Variants in VPS26C observed in about 807,000 individuals in gnomAD.
The protein encoded by VPS26C is vacuolar protein sorting-associated protein 26C.
VPS26C carries 19 observed loss-of-function variants against 30.6 expected under a neutral mutation model. The ratio of observed to expected loss-of-function variants is 0.62; its 90% CI spans 0.43 to 0.91. The LOEUF (loss-of-function observed/expected upper bound fraction) is 0.91. VPS26C is among the 40% of genes least tolerant of loss of function. VPS26C has a pLI of 0.00. For missense variants in VPS26C, 318 were observed against 385.1 expected (o/e 0.83, Z 1.46); for synonymous variants, 132 against 151.5 (o/e 0.87, Z 0.95).
At chr21:37,234,514 A>G (rs997471503) in intron 3 of VPS26C, among the ~76,000 whole-genome samples, 1 of 152,204 alleles carries the variant, frequency 6.6e-6, no homozygotes, top group Non-Finnish European at 1.5e-5. Context: ...GTGAGCTGAG[A>G]GACTATTTAA....
intron 7 of VPS26C, chr21:37,225,859 C>T: frequency 1.7e-6 from 1 of 571,572 alleles, no homozygotes; most frequent in East Asian, 2.9e-5. Flanking sequence ...TTTTTGTCCT[C>T]TCATCTTGGA....
At chr21:37,236,433 AGAC>A (rs1400925299) in intron 3 of VPS26C, among the ~76,000 whole-genome samples, 2 of 152,274 alleles carry the variant, frequency 1.3e-5, no homozygotes, top group African/African-American at 2.4e-5. Flanking sequence ...TTTTCTCAAA[AGAC>A]GACAAATTTT....
intron 6 of VPS26C, among the ~76,000 whole-genome samples, 173 bp downstream of exon 6, chr21:37,228,050 C>G (rs749772374): frequency 4.6e-5 from 7 of 152,324 alleles, no homozygotes; most frequent in Admixed American, 2.0e-4. Context: ...TGCAATGGTG[C>G]GATCTCAGCT....
intron 2 of VPS26C, 133 bp downstream of exon 2, chr21:37,240,363 G>A (rs559989832): frequency 7.4e-6 from 7 of 941,666 alleles, no homozygotes; most frequent in Admixed American, 2.7e-5. Flanking sequence ...GGGCTCAAGC[G>A]ATCCTCCCGC....
chr21:37,225,231 A>G lies in VPS26C; in HGVS notation c.*313T>C, dbSNP rs1320133680. 3 of 349,520 alleles carry G rather than the reference A, an allele frequency of 8.6e-6. No homozygotes were observed. Among genetic ancestry groups the G allele is most frequent in the East Asian group, 5.1e-5 (1 of 19,698 alleles). The allele number at this position is 349,520 out of a possible 1,614,324, so 21.7% of individuals were successfully genotyped here. On this transcript the variant is annotated 3_prime_UTR_variant, in exon 8 of 8. Transcript: ENST00000309117. ...CCAGCAAGCTCAAACTGCTGTCACAATTGTTTTACTGTACCTAAAAAGGAA... is the reference window on the plus strand; with the variant it reads ...CCAGCAAGCTCAAACTGCTGTCACAGTTGTTTTACTGTACCTAAAAAGGAA...
chr21:37,225,889 ACCAACTACACTTT>A, intron 7 of VPS26C: 1 of 527,696 alleles, frequency 1.9e-6, no homozygotes, highest in Non-Finnish European at 3.4e-6. Flanking sequence ...ATCAGGCTTC[ACCAACTACACTTT>A]CCCTGTCCCT....
chr21:37,246,273 C>T (rs2086137093), intron 1 of VPS26C, among the ~76,000 whole-genome samples: 1 of 151,894 alleles, frequency 6.6e-6, no homozygotes, highest in Admixed American at 6.6e-5. Context: ...GAAAAGAAAC[C>T]ATATTTCTCC....
chr21:37,254,862 G>A (rs993156665), intron 1 of VPS26C, among the ~76,000 whole-genome samples: 1 of 151,792 alleles, frequency 6.6e-6, no homozygotes, highest in African/African-American at 2.4e-5. Context: ...AGCACTGTAG[G>A]GTAGATCACG....
chr21:37,250,169 A>G (rs1048943235), intron 1 of VPS26C, among the ~76,000 whole-genome samples: 1 of 152,044 alleles, frequency 6.6e-6, no homozygotes, highest in Non-Finnish European at 1.5e-5. Context: ...GCCAGGCATG[A>G]TGATACATGC....
Position 37,227,668 on chromosome 21 carries a change from G to C in VPS26C, c.797C>G (p.Thr266Ser). ...RLFTCPTLET[T>S]NFKVEFEVNI... ...GTGCCACTTACCCACTTTGAAGTTG[G>C]TGGTCTCCAGTGTAGGGCAGGTGAA... The change falls in exon 7 of 8, where the codon ACC (threonine) becomes AGC (serine). Residue 266 changes from threonine (T) to serine (S), a missense_variant. By Grantham distance (58) the Thr-to-Ser change is moderately conservative. Coordinates refer to ENST00000309117, the MANE Select transcript of VPS26C (RefSeq NM_006052.2). 6.2e-7 allele frequency: 1 copy of C among 1,613,984 alleles called. No individual in the cohort carries two copies. Among genetic ancestry groups the C allele is most frequent in the East Asian group, 2.2e-5 (1 of 44,866 alleles).
rs141583732 is a variant in VPS26C, at chr21:37,254,713, C to T, written c.57+12525G>A. ...GTAATCCCAGCTACTTGGGAGGCTG[C>T]GGCAGGAGAATTGCTTGAACCAGGA... On this transcript the variant is annotated intron_variant, in intron 1 of 7. Transcript: ENST00000309117. Among the ~76,000 whole-genome samples the T allele has an allele frequency of 1.6e-3, 247 of 151,376 alleles. 2 individuals carry two copies. The highest frequency in any genetic ancestry group is 5.5e-3 in the African/African-American group (228 of 41,224).
intron 1 of VPS26C, among the ~76,000 whole-genome samples, chr21:37,250,316 A>T (rs2086179102): frequency 6.6e-6 from 1 of 152,102 alleles, no homozygotes; most frequent in South Asian, 2.1e-4. Context: ...AAAAAAAAAA[A>T]AAATCAAGTT....
intron 1 of VPS26C, among the ~76,000 whole-genome samples, chr21:37,253,516 G>A (rs1602282663): frequency 6.6e-6 from 1 of 152,140 alleles, no homozygotes; most frequent in Non-Finnish European, 1.5e-5. Flanking sequence ...GCCTGGAAAA[G>A]AAACTGAAGC....
chr21:37,229,140 C>T (rs1337389341), intron 5 of VPS26C: 4 of 152,150 alleles, frequency 2.6e-5, no homozygotes, highest in Non-Finnish European at 5.9e-5. Flanking sequence ...GAGAAGCCTA[C>T]AAACCTTTAC....
rs1309474798 is a variant in VPS26C, at chr21:37,240,577, AG to A, written c.119del (p.Ser40PhefsTer2). On this transcript the variant is annotated frameshift_variant, in exon 2 of 8. Coordinates refer to ENST00000309117, the MANE Select transcript of VPS26C (RefSeq NM_006052.2). LOFTEE classifies it high-confidence loss of function. ...SKDSVQHQGV[S>X]LTMEGTVNLQ... is the part of the protein sequence containing the mutation. ...GGTTTACAGTTCCTTCCATGGTCAA[AG>A]ACACTCCCTGGTGTTGGACTGAATC... 1 of 1,614,216 alleles carries A rather than the reference AG, an allele frequency of 6.2e-7. No homozygotes were observed. The highest frequency in any genetic ancestry group is 1.7e-5 in the Admixed American group (1 of 60,022).
intron 2 of VPS26C, among the ~76,000 whole-genome samples, chr21:37,240,217 G>A (rs1294799908): frequency 4.6e-5 from 7 of 151,882 alleles, no homozygotes; most frequent in Non-Finnish European, 4.4e-5. Flanking sequence ...TGAATTCCTG[G>A]GCTCAAGGGA....
At chr21:37,227,885 A>G in intron 6 of VPS26C, 79 bp from the exon 7 acceptor site, 1 of 1,564,482 alleles carries the variant, frequency 6.4e-7, no homozygotes, top group Non-Finnish European at 8.7e-7. Flanking sequence ...ACCACCCACC[A>G]GTCTGCTCCA....
chr21:37,263,127 T>C (rs907240205), intron 1 of VPS26C, among the ~76,000 whole-genome samples: 5 of 152,136 alleles, frequency 3.3e-5, no homozygotes, highest in African/African-American at 1.2e-4. Flanking sequence ...TAAAAAATCA[T>C]TTTGTCAGTG....
chr21:37,252,136 A>G (rs999803794), intron 1 of VPS26C, among the ~76,000 whole-genome samples: 4 of 152,228 alleles, frequency 2.6e-5, no homozygotes, highest in Admixed American at 2.6e-4. Context: ...TGAGGACCAA[A>G]TGCACTAAGT....
Sources: allele counts gnomAD v4.1 joint callset (sites outside exome capture counted in the v4.1 genomes callset), GRCh38; gene constraint gnomAD v4.1.1; transcripts MANE v1.5; gene names NCBI Gene and HGNC (gene_info 2026-07-23, HGNC 2026-07-21).